SLAMF1: variants seen among roughly 807,000 people sequenced by gnomAD.
SLAMF1 encodes the protein signaling lymphocytic activation molecule family member 1, also known as signaling lymphocytic activation molecule.
A neutral mutation model predicts 35.1 loss-of-function variants in SLAMF1; 18 were observed. The ratio of observed to expected loss-of-function variants is 0.51; its 90% CI spans 0.35 to 0.76. The LOEUF (loss-of-function observed/expected upper bound fraction) is 0.76, where lower values mean the gene tolerates loss of function less well. Ranked by LOEUF, SLAMF1 falls within the 30% of genes least tolerant of loss-of-function variation. The probability of loss-of-function intolerance (pLI) is 0.01; values close to 1 mark genes in which losing one functional copy is unlikely to be tolerated. For missense variants in SLAMF1, 392 were observed against 413.0 expected (o/e 0.95, Z 0.44); for synonymous variants, 168 against 157.2 (o/e 1.07, Z -0.51).
At chr1:160,613,229 T>C (rs914767178) in intron 5 of SLAMF1, among the ~76,000 whole-genome samples, 3 of 152,236 alleles carry the variant, frequency 2.0e-5, no homozygotes, top group Non-Finnish European at 4.4e-5. Context: ...TATAATGACC[T>C]ATCCCTTACT....
At position 160,609,242 on chromosome 1, in the gene SLAMF1, C is replaced by A. The variant is rs1658852393; in HGVS notation, c.*1506G>T. 1 of 152,230 alleles carries A rather than the reference C, an allele frequency of 6.6e-6. No homozygotes were observed. The highest frequency in any genetic ancestry group is 6.5e-5 in the Admixed American group (1 of 15,292). 9.4% of individuals were successfully genotyped at this position (152,230 alleles called of 1,614,324 possible). On this transcript the variant is annotated 3_prime_UTR_variant, in exon 7 of 7. Transcript: ENST00000302035. Reference sequence around the variant, plus strand: ...GCTCCCAGCCACAGCCTAGTCTCTTCTTTTCCTGCTCACTTTCAAAGCATG... The same window carrying A: ...GCTCCCAGCCACAGCCTAGTCTCTTATTTTCCTGCTCACTTTCAAAGCATG...
intron 3 of SLAMF1, among the ~76,000 whole-genome samples, chr1:160,629,319 CTCT>C (rs1358121896): frequency 5.9e-5 from 9 of 151,872 alleles, no homozygotes; most frequent in Non-Finnish European, 1.2e-4. Flanking sequence ...CTCTCTCTCT[CTCT>C]TCTCAAGTCC....
chr1:160,635,360 CAT>C (rs1209558378), intron 2 of SLAMF1, among the ~76,000 whole-genome samples: 3 of 152,014 alleles, frequency 2.0e-5, no homozygotes, highest in Non-Finnish European at 2.9e-5. Flanking sequence ...CGCGCGCGCG[CAT>C]GTACACGGGC....
rs1658808131 is a variant in SLAMF1 at position 160,608,395 on chromosome 1, A to G, written c.*2353T>C. The G allele has an allele frequency of 6.6e-6, 1 of 152,166 alleles. No individual in the cohort carries two copies. Among genetic ancestry groups the G allele is most frequent in the Non-Finnish European group, 1.5e-5 (1 of 68,042 alleles). 9.4% of individuals were successfully genotyped at this position (152,166 alleles called of 1,614,324 possible). A position where few individuals can be genotyped will look rare whatever the true frequency, so the allele number is the denominator to read the frequency against. ...ACAGCATTAGAGGGGAAACACGGGG[A>G]AAACTTATTGTTTTAAGTCTGAGGA... On this transcript the variant is annotated 3_prime_UTR_variant, in exon 7 of 7. Coordinates refer to ENST00000302035, the MANE Select transcript of SLAMF1 (RefSeq NM_003037.5).
intron 5 of SLAMF1, among the ~76,000 whole-genome samples, chr1:160,619,031 G>T (rs1570973021): frequency 6.6e-6 from 1 of 152,258 alleles, no homozygotes; most frequent in East Asian, 1.9e-4. Context: ...AATTTTCTAA[G>T]GTACTATCAA....
rs1429193531 is a variant in SLAMF1, at chr1:160,634,952, C to T, written c.416-55G>A. 2.0e-6 allele frequency: 3 copies of T among 1,496,198 alleles called. No homozygotes were observed. In the Admixed American group the frequency reaches 6.1e-5, roughly 30 times the overall value. 92.7% of individuals were successfully genotyped at this position (1,496,198 alleles called of 1,614,324 possible). A position where few individuals can be genotyped will look rare whatever the true frequency, so the allele number is the denominator to read the frequency against. ...ACTGAAGTGAACCCCTGGGAATTCT[C>T]ACTTGACCTTTTTGTTAGAACAAAG... On this transcript the variant is annotated intron_variant, in intron 2 of 6. Transcript: ENST00000302035.
In SLAMF1 at chr1:160,610,238, T is replaced by G. The variant is rs1166469210; in HGVS notation, c.*510A>C. On this transcript the variant is annotated 3_prime_UTR_variant, in exon 7 of 7. Transcript: ENST00000302035. ...AATTCACCCTTCAGCCTCTATTCACTCTTTATCCTGAGAGAGAAACTGAGG... is the reference window on the plus strand; with the variant it reads ...AATTCACCCTTCAGCCTCTATTCACGCTTTATCCTGAGAGAGAAACTGAGG... The G allele has an allele frequency of 8.8e-6, 4 of 456,206 alleles. No homozygotes were observed. Among genetic ancestry groups the G allele is most frequent in the Non-Finnish European group, 1.8e-5 (4 of 226,864 alleles). The allele number at this position is 456,206 out of a possible 1,614,324, so 28.3% of individuals were successfully genotyped here. A position where few individuals can be genotyped will look rare whatever the true frequency, so the allele number is the denominator to read the frequency against.
At chr1:160,613,919 A>C (rs1008801993) in intron 5 of SLAMF1, among the ~76,000 whole-genome samples, 2 of 152,268 alleles carry the variant, frequency 1.3e-5, no homozygotes, top group African/African-American at 4.8e-5. Context: ...TCCTATAGTT[A>C]TAAGTGCTTG....
In SLAMF1 at chr1:160,627,623, A is replaced by C. The variant is rs556806783; in HGVS notation, c.701-3438T>G. Among the ~76,000 whole-genome samples, 7 of 152,304 alleles carry C rather than the reference A, an allele frequency of 4.6e-5. No individual in the cohort carries two copies. The South Asian group carries it at 1.5e-3, about 32-fold the overall frequency. Reference sequence around the variant, plus strand: ...TATTTACATGGAAATCAAATGTCAGAGACCCCATGCTCTTAGAAATTTGGA... The same window carrying C: ...TATTTACATGGAAATCAAATGTCAGCGACCCCATGCTCTTAGAAATTTGGA... On this transcript the variant is annotated intron_variant, in intron 3 of 6. Transcript: ENST00000302035.
chr1:160,628,324 C>T (rs575204680), intron 3 of SLAMF1, among the ~76,000 whole-genome samples: 1 of 152,318 alleles, frequency 6.6e-6, no homozygotes, highest in South Asian at 2.1e-4. Context: ...TTCAGACTCT[C>T]TCTTTCTCTT....
intron 3 of SLAMF1, among the ~76,000 whole-genome samples, chr1:160,630,741 G>A (rs1472493244): frequency 6.6e-6 from 1 of 152,048 alleles, no homozygotes; most frequent in Non-Finnish European, 1.5e-5. Flanking sequence ...TACTACTGGA[G>A]TTCCTCTTTG....
chr1:160,638,139 G>A (rs1660551748), intron 1 of SLAMF1, among the ~76,000 whole-genome samples: 1 of 149,620 alleles, frequency 6.7e-6, no homozygotes, highest in African/African-American at 2.5e-5. Flanking sequence ...CAAAAAAGCT[G>A]AGCCAACAAC....
chr1:160,631,588 G>A (rs1660165922), intron 3 of SLAMF1, among the ~76,000 whole-genome samples: 2 of 152,154 alleles, frequency 1.3e-5, no homozygotes, highest in Admixed American at 1.3e-4. Context: ...GAGGTCATTA[G>A]GGTGGCCCCT....
At chr1:160,633,260 G>A (rs1191856743) in intron 3 of SLAMF1, among the ~76,000 whole-genome samples, 3 of 152,138 alleles carry the variant, frequency 2.0e-5, no homozygotes, top group African/African-American at 7.2e-5. Context: ...TGTATGCAAG[G>A]TGGGCAAGCA....
chr1:160,646,984 T>A lies in SLAMF1; in HGVS notation c.-39A>T. On this transcript the variant is annotated 5_prime_UTR_variant, in exon 1 of 7. Coordinates refer to ENST00000302035, the MANE Select transcript of SLAMF1 (RefSeq NM_003037.5). ...GAAGGAAGGGATCCTGGCCGGAGCC[T>A]GGCAGCTGCTCACAGATGCCAGGCA... The A allele has an allele frequency of 9.1e-7, 1 of 1,103,438 alleles. No individual in the cohort carries two copies. Among genetic ancestry groups the A allele is most frequent in the Non-Finnish European group, 1.4e-6 (1 of 721,914 alleles). 68.4% of individuals were successfully genotyped at this position (1,103,438 alleles called of 1,614,324 possible).
rs141524314 is a variant in SLAMF1 at position 160,614,249 on chromosome 1, T to C, written c.865-1669A>G. On this transcript the variant is annotated intron_variant, in intron 5 of 6. Transcript: ENST00000302035. ...GAGTTTAAGAAAGAATTTCTTGCAG[T>C]GATGAGATAAAGAGGCTATCAAAAC... is the stretch of plus-strand genomic sequence containing the variant. Among the ~76,000 whole-genome samples, 290 of 152,294 alleles carry C rather than the reference T, an allele frequency of 1.9e-3. 2 individuals are homozygous for C. Among genetic ancestry groups the C allele is most frequent in the Middle Eastern group, 0.014 (4 of 294 alleles).
In SLAMF1 at chr1:160,644,367, T is replaced by C. The variant is rs74825451; in HGVS notation, c.76+2503A>G. Reference sequence around the variant, plus strand: ...AAACTACTCTGTGCCCCTTTCCTCATTTATAAAGTTGTAATGGTACCAATA... The same window carrying C: ...AAACTACTCTGTGCCCCTTTCCTCACTTATAAAGTTGTAATGGTACCAATA... On this transcript the variant is annotated intron_variant, in intron 1 of 6. Transcript: ENST00000302035. Among the ~76,000 whole-genome samples the C allele has an allele frequency of 9.6e-3, 1,470 of 152,348 alleles. 24 individuals are homozygous for C. Among genetic ancestry groups the C allele is most frequent in the African/African-American group, 0.034 (1,403 of 41,572 alleles).
chr1:160,642,488 C>G lies in SLAMF1; in HGVS notation c.76+4382G>C, dbSNP rs1326987716. On this transcript the variant is annotated intron_variant, in intron 1 of 6. Transcript: ENST00000302035. This position sits in a 1 kb window ranked among gnomAD's most constrained non-coding sequence, Gnocchi z 4.2. ...AACTCTGGTTCAATGCCTGTAATCC[C>G]CCACTCTTATAAGCTTCCAAGAGTA... Among the ~76,000 whole-genome samples, 3 of 152,186 alleles carry G rather than the reference C, an allele frequency of 2.0e-5. No individual in the cohort carries two copies. Among genetic ancestry groups the G allele is most frequent in the African/African-American group, 7.2e-5 (3 of 41,434 alleles).
chr1:160,630,177 C>T (rs955523479), intron 3 of SLAMF1, among the ~76,000 whole-genome samples: 4 of 152,184 alleles, frequency 2.6e-5, no homozygotes, highest in Non-Finnish European at 5.9e-5. Context: ...GCAAGTCACA[C>T]ACTGTCCACA....
Sources: gnomAD v4.1 joint callset for allele counts (sites outside exome capture counted in the v4.1 genomes callset) on GRCh38, gnomAD v4.1.1 for gene constraint, Gnocchi (gnomAD v3.1) non-coding constraint, MANE v1.5 for transcripts, NCBI Gene and HGNC (gene_info 2026-07-23, HGNC 2026-07-21) for gene names.